ARHGAP28: variants seen among roughly 807,000 people sequenced by gnomAD.
ARHGAP28 encodes rho GTPase-activating protein 28.
ARHGAP28 carries 56 observed loss-of-function variants against 90.7 expected under a neutral mutation model. That is an observed-to-expected ratio of 0.62 (90% CI 0.50 to 0.77). The LOEUF (loss-of-function observed/expected upper bound fraction) is 0.77. Among genes scored for constraint, ARHGAP28 ranks in the 30% least tolerant of loss-of-function variants. ARHGAP28 has a pLI of 0.00. For synonymous variants in ARHGAP28, 308 were observed against 323.3 expected (o/e 0.95, Z 0.51); for missense variants, 869 against 900.9 (o/e 0.96, Z 0.45).
chr18:6,877,637 G>T (rs1264818432), intron 10 of ARHGAP28, among the ~76,000 whole-genome samples: 1 of 152,174 alleles, frequency 6.6e-6, no homozygotes. Flanking sequence ...AGTGGAGTTG[G>T]CTGAATGCTG....
chr18:6,787,738 C>A (rs1177811581), intron 1 of ARHGAP28, among the ~76,000 whole-genome samples: 1 of 152,108 alleles, frequency 6.6e-6, no homozygotes, highest in East Asian at 1.9e-4. Context: ...ACAGTTTTAA[C>A]CAATGTTATC....
At chr18:6,765,476 C>A (rs35595272) in intron 1 of ARHGAP28, among the ~76,000 whole-genome samples, 64,120 of 151,768 alleles carry the variant, frequency 0.42, 14,680 homozygotes, top group East Asian at 0.85. Flanking sequence ...TTTAGGTACA[C>A]GGCTCTTTTT....
chr18:6,865,794 C>A (rs892983733), intron 5 of ARHGAP28, among the ~76,000 whole-genome samples: 3 of 152,236 alleles, frequency 2.0e-5, no homozygotes, highest in African/African-American at 7.2e-5. Flanking sequence ...ACTTTCCAAT[C>A]CTAGCTTGGT....
At chr18:6,744,422 G>A (rs549300689) in intron 1 of ARHGAP28, among the ~76,000 whole-genome samples, 2 of 152,104 alleles carry the variant, frequency 1.3e-5, no homozygotes, top group Non-Finnish European at 2.9e-5. Flanking sequence ...GACCTCAAGG[G>A]TCTTTTCTCA....
In ARHGAP28 at chr18:6,815,966, TTGTTTGC is replaced by T. The variant is rs572302621; in HGVS notation, c.123-8790_123-8784del. 2.1e-3 allele frequency among the ~76,000 whole-genome samples: 326 copies of T among 152,260 alleles called. 2 individuals carry two copies. The highest frequency in any genetic ancestry group is 7.5e-3 in the African/African-American group (310 of 41,548). ...TATTCCCTGCTGCATAAGTAAAGAT[TTGTTTGC>T]TGTTTTAAGCCTTCCCAATCTACAA... On this transcript the variant is annotated intron_variant, in intron 1 of 17. Transcript: ENST00000383472.
chr18:6,819,048 C>T (rs1367724), intron 1 of ARHGAP28, among the ~76,000 whole-genome samples: 110,514 of 152,046 alleles, frequency 0.73, 40,546 homozygotes, highest in Non-Finnish European at 0.79. Flanking sequence ...TGATGTAATG[C>T]GTATGACAGT....
At chr18:6,745,547 G>C (rs1298702145) in intron 1 of ARHGAP28, among the ~76,000 whole-genome samples, 1 of 152,176 alleles carries the variant, frequency 6.6e-6, no homozygotes, top group Non-Finnish European at 1.5e-5. Flanking sequence ...TCAGTTCCAT[G>C]ATTTTTGACC....
At chr18:6,820,931 A>T (rs1392174721) in intron 1 of ARHGAP28, among the ~76,000 whole-genome samples, 1 of 152,238 alleles carries the variant, frequency 6.6e-6, no homozygotes, top group Admixed American at 6.5e-5. Flanking sequence ...AAGAGAAAGG[A>T]TCTGTTGTGG....
At chr18:6,757,863 A>C (rs548673210) in intron 1 of ARHGAP28, among the ~76,000 whole-genome samples, 48 of 152,246 alleles carry the variant, frequency 3.2e-4, no homozygotes, top group African/African-American at 1.2e-3. Flanking sequence ...GCACACAAGC[A>C]GGAGTATGGA....
intron 1 of ARHGAP28, among the ~76,000 whole-genome samples, chr18:6,753,466 C>T (rs1156988065): frequency 6.6e-6 from 1 of 152,046 alleles, no homozygotes; most frequent in Non-Finnish European, 1.5e-5. Context: ...GTGTGTGATT[C>T]ACAGAGTTAA....
intron 3 of ARHGAP28, 70 bp from the exon 4 acceptor site, chr18:6,850,964 C>A: frequency 6.3e-7 from 1 of 1,585,930 alleles, no homozygotes; most frequent in East Asian, 2.2e-5. Flanking sequence ...TAGTGTAATG[C>A]ATGTGTGAAT....
chr18:6,900,695 ATAT>A (rs2057333835), intron 16 of ARHGAP28, among the ~76,000 whole-genome samples: 1 of 139,456 alleles, frequency 7.2e-6, no homozygotes, highest in Non-Finnish European at 1.6e-5. Flanking sequence ...AGTGAGCTAA[ATAT>A]CATACAATCA....
At chr18:6,875,581 G>T (rs2057124676) in intron 9 of ARHGAP28, among the ~76,000 whole-genome samples, 1 of 152,154 alleles carries the variant, frequency 6.6e-6, no homozygotes, top group Non-Finnish European at 1.5e-5. Context: ...GCAGGTAAAG[G>T]ACTGAGAATA....
intron 16 of ARHGAP28, among the ~76,000 whole-genome samples, 173 bp from the exon 17 acceptor site, chr18:6,908,787 T>C (rs2057378299): frequency 6.6e-6 from 1 of 152,240 alleles, no homozygotes; most frequent in African/African-American, 2.4e-5. Context: ...GCTTCTTGTC[T>C]GTGTCAGACG....
Position 6,837,335 on chromosome 18 carries a change from C to A in ARHGAP28, c.464C>A (p.Thr155Asn). ...QAAAVQKRYH[T>N]YTQTMRKKDK... ...GCTGCCGTGCAAAAGAGATACCATACCTATACCCAAACCATGAGGAAAAAG... is the reference window on the plus strand; with the variant it reads ...GCTGCCGTGCAAAAGAGATACCATAACTATACCCAAACCATGAGGAAAAAG... Residue 155 changes from threonine to asparagine, a missense_variant, in exon 3 of 18, where the codon ACC becomes AAC. Coordinates refer to ENST00000383472, the MANE Select transcript of ARHGAP28 (RefSeq NM_001366230.1). 1 of 1,613,834 alleles carries A rather than the reference C, an allele frequency of 6.2e-7. No individual in the cohort carries two copies. The highest frequency in any genetic ancestry group is 8.5e-7 in the Non-Finnish European group (1 of 1,179,970).
chr18:6,874,465 A>T (rs1234190387), intron 9 of ARHGAP28, among the ~76,000 whole-genome samples: 1 of 152,178 alleles, frequency 6.6e-6, no homozygotes, highest in Non-Finnish European at 1.5e-5. Context: ...TATAGCCAGC[A>T]ATTTATACTG....
chr18:6,803,439 G>C (rs981285243), intron 1 of ARHGAP28, among the ~76,000 whole-genome samples: 3 of 152,008 alleles, frequency 2.0e-5, no homozygotes, highest in Non-Finnish European at 4.4e-5. Context: ...ACTCCATTTG[G>C]TTATGATGCA....
At chr18:6,784,147 T>C (rs1404557442) in intron 1 of ARHGAP28, among the ~76,000 whole-genome samples, 1 of 152,146 alleles carries the variant, frequency 6.6e-6, no homozygotes, top group Admixed American at 6.5e-5. Context: ...CCCAGTCAAA[T>C]CCATGCAGTT....
chr18:6,870,773 G>C, intron 7 of ARHGAP28, 41 bp downstream of exon 7: 2 of 1,545,764 alleles, frequency 1.3e-6, no homozygotes, highest in Non-Finnish European at 1.7e-6. Context: ...AACTTCCTGT[G>C]ACTTCATAGG....
Sources: allele counts gnomAD v4.1 joint callset (sites outside exome capture counted in the v4.1 genomes callset), GRCh38; gene constraint gnomAD v4.1.1; transcripts MANE v1.5; gene names NCBI Gene and HGNC (gene_info 2026-07-23, HGNC 2026-07-21).